The following NRG1 variants were observed in gnomAD, a reference collection of about 807,000 sequenced individuals.
The protein encoded by NRG1 is pro-neuregulin-1, membrane-bound isoform.
NRG1 carries 18 observed loss-of-function variants against 63.8 expected under a neutral mutation model. That is an observed-to-expected ratio of 0.28 (90% CI 0.19 to 0.42). The LOEUF (loss-of-function observed/expected upper bound fraction) is 0.42, where lower values mean the gene tolerates loss of function less well. Ranked by LOEUF, NRG1 falls within the 10% of genes least tolerant of loss-of-function variation. NRG1 has a pLI of 1.00. For missense variants in NRG1, 762 were observed against 814.7 expected, an observed-to-expected ratio of 0.94 and a Z score of 0.79; for synonymous variants, 302 against 301.3, an observed-to-expected ratio of 1.00 and a Z score of -0.02.
At chr8:31,966,107 A>C (rs1254651835) in intron 1 of NRG1, among the ~76,000 whole-genome samples, 1 of 148,148 alleles carries the variant, frequency 6.8e-6, no homozygotes, top group African/African-American at 2.5e-5. Context: ...CCCTGAAACT[A>C]AAAAAAAAAG....
chr8:32,561,188 C>T (rs117131208), intron 1 of NRG1, among the ~76,000 whole-genome samples: 3,353 of 152,252 alleles, frequency 0.022, 50 homozygotes, highest in Middle Eastern at 0.048. Flanking sequence ...TACTTTCAGT[C>T]TCAAGATGGC....
At chr8:31,779,766 T>C (rs930936580) in intron 1 of NRG1, among the ~76,000 whole-genome samples, 2 of 152,220 alleles carry the variant, frequency 1.3e-5, no homozygotes, top group African/African-American at 4.8e-5. Flanking sequence ...TAAACTGTAA[T>C]AGCCTTTAGG....
At chr8:31,685,012 T>C (rs1808738260) in intron 1 of NRG1, among the ~76,000 whole-genome samples, 1 of 152,170 alleles carries the variant, frequency 6.6e-6, no homozygotes, top group African/African-American at 2.4e-5. Flanking sequence ...ACTGGATTAA[T>C]CTCCTACGTA....
At chr8:31,933,284 C>CG (rs146174388) in intron 1 of NRG1, among the ~76,000 whole-genome samples, 5,351 of 151,330 alleles carry the variant, frequency 0.035, 344 homozygotes, top group African/African-American at 0.12. Flanking sequence ...TTATTATCCT[C>CG]GTTTTTTTTT....
chr8:31,642,770 G>A (rs971824979), intron 1 of NRG1, among the ~76,000 whole-genome samples: 1 of 152,132 alleles, frequency 6.6e-6, no homozygotes, highest in African/African-American at 2.4e-5. Flanking sequence ...TGTGCTTGGC[G>A]ATTTTTGTGT....
intron 1 of NRG1, among the ~76,000 whole-genome samples, chr8:32,034,063 T>A (rs1818671496): frequency 6.6e-6 from 1 of 152,210 alleles, no homozygotes; most frequent in Admixed American, 6.5e-5. Context: ...TTTTGCCTAT[T>A]CAGTATGATA....
chr8:32,356,916 A>C (rs1806512998), intron 1 of NRG1, among the ~76,000 whole-genome samples: 3 of 152,338 alleles, frequency 2.0e-5, no homozygotes, highest in Admixed American at 1.3e-4. Flanking sequence ...GAACATTAGG[A>C]GGTCTTTAAA....
chr8:32,366,653 TTGTGTG>T (rs146191135), intron 1 of NRG1, among the ~76,000 whole-genome samples: 6 of 101,980 alleles, frequency 5.9e-5, no homozygotes, highest in African/African-American at 2.2e-4. Context: ...GTAATATATA[TTGTGTG>T]TGTGTGTGTG....
intron 1 of NRG1, among the ~76,000 whole-genome samples, chr8:32,271,000 A>G (rs1851485671): frequency 6.6e-6 from 1 of 152,180 alleles, no homozygotes. Flanking sequence ...ATTTGGGGCT[A>G]AGACTAGTTC....
chr8:31,796,213 A>G (rs1821188968), intron 1 of NRG1, among the ~76,000 whole-genome samples: 1 of 152,152 alleles, frequency 6.6e-6, no homozygotes. Context: ...AGGAAGAAAT[A>G]GACCAGATAC....
intron 5 of NRG1, among the ~76,000 whole-genome samples, chr8:32,674,614 T>A (rs564480911): frequency 6.6e-6 from 1 of 152,326 alleles, no homozygotes; most frequent in East Asian, 1.9e-4. Context: ...CAAAGAATTT[T>A]ATGTCCAAAA....
intron 5 of NRG1, among the ~76,000 whole-genome samples, chr8:32,664,536 G>A (rs183312178): frequency 1.3e-5 from 2 of 152,170 alleles, no homozygotes; most frequent in Admixed American, 6.6e-5. Flanking sequence ...AGCACGTATT[G>A]TGTGTTCAGT....
At chr8:32,671,410 T>A (rs1805615570) in intron 5 of NRG1, among the ~76,000 whole-genome samples, 1 of 152,200 alleles carries the variant, frequency 6.6e-6, no homozygotes. Flanking sequence ...AGAGCCTTCA[T>A]AACAAATGAG....
intron 1 of NRG1, among the ~76,000 whole-genome samples, chr8:32,339,910 G>C (rs1803837893): frequency 6.6e-6 from 1 of 152,058 alleles, no homozygotes; most frequent in African/African-American, 2.4e-5. Context: ...TTAATGGTTT[G>C]TAATCTCAGC....
intron 1 of NRG1, among the ~76,000 whole-genome samples, chr8:31,769,503 A>T (rs1324106543): frequency 6.6e-6 from 1 of 152,230 alleles, no homozygotes; most frequent in Non-Finnish European, 1.5e-5. Context: ...CATTGGGCAC[A>T]GAAAAAGAGG....
intron 1 of NRG1, among the ~76,000 whole-genome samples, chr8:32,004,741 A>T (rs327337): frequency 0.057 from 8,598 of 151,988 alleles, 824 homozygotes; most frequent in African/African-American, 0.2. Flanking sequence ...GAAAAAGCAT[A>T]CACAAAACAA....
Position 32,436,855 on chromosome 8 carries a change from A to C in NRG1, c.38-158973A>C, listed in dbSNP as rs1365398433. On this transcript the variant is annotated intron_variant, in intron 1 of 10. Coordinates refer to the NRG1 transcript ENST00000519301. Reference sequence around the variant, plus strand: ...TTAAAGATAAAGATGTCAGTGTCACAGTGCATAACTGGGTTTTACATGGTC... The same window carrying C: ...TTAAAGATAAAGATGTCAGTGTCACCGTGCATAACTGGGTTTTACATGGTC... Among the ~76,000 whole-genome samples, 7 of 151,952 alleles carry C rather than the reference A, an allele frequency of 4.6e-5. No homozygotes were observed. In the East Asian group the frequency reaches 1.4e-3, roughly 29 times the overall value.
At chr8:31,893,988 A>G (rs1395596477) in intron 1 of NRG1, among the ~76,000 whole-genome samples, 1 of 152,146 alleles carries the variant, frequency 6.6e-6, no homozygotes, top group Non-Finnish European at 1.5e-5. Context: ...ATGCAGTACC[A>G]TTCAGTCATT....
chr8:32,532,875 A>G (rs943609892), intron 1 of NRG1, among the ~76,000 whole-genome samples: 2 of 152,100 alleles, frequency 1.3e-5, no homozygotes, highest in African/African-American at 2.4e-5. Context: ...ACATTTGTGT[A>G]ATTTTTCTAA....
Sources: gnomAD v4.1 joint callset for allele counts (sites outside exome capture counted in the v4.1 genomes callset) on GRCh38, gnomAD v4.1.1 for gene constraint, MANE v1.5 for transcripts, NCBI Gene and HGNC (gene_info 2026-07-23, HGNC 2026-07-21) for gene names.